The following GRIA3 variants were observed in gnomAD, a reference collection of about 807,000 sequenced individuals.
GRIA3 encodes the protein glutamate receptor 3.
A neutral mutation model predicts 63.0 loss-of-function variants in GRIA3; 3 were observed. The ratio of observed to expected loss-of-function variants is 0.05; its 90% confidence interval spans 0.02 to 0.12. The LOEUF is 0.12. GRIA3 is among the 10% of genes least tolerant of loss of function. GRIA3 has a pLI of 1.00. For missense variants in GRIA3, 347 were observed against 700.9 expected, an observed-to-expected ratio of 0.50 and a Z score of 5.70; for synonymous variants, 274 against 257.9, an observed-to-expected ratio of 1.06 and a Z score of -0.60.
At chrX:123,258,093 A>C (rs1224962239) in intron 3 of GRIA3, among the ~76,000 whole-genome samples, 1 of 112,193 alleles carries the variant, frequency 8.9e-6, no homozygotes, top group Admixed American at 9.4e-5. Flanking sequence ...TCTCCTATTA[A>C]CACCCTCTTT....
intron 2 of GRIA3, among the ~76,000 whole-genome samples, chrX:123,205,518 A>G (rs943613823): frequency 2.7e-5 from 3 of 111,997 alleles, no homozygotes; most frequent in African/African-American, 9.8e-5. Flanking sequence ...GCTACTGAAG[A>G]TAGACAGCAT....
intron 5 of GRIA3, among the ~76,000 whole-genome samples, chrX:123,366,735 T>C (rs1246778354): frequency 1.8e-5 from 2 of 111,873 alleles, no homozygotes; most frequent in Non-Finnish European, 3.8e-5. Flanking sequence ...GACTCCAGTA[T>C]GTAAGGCACA....
chrX:123,192,049 A>G (rs1324112772), intron 2 of GRIA3, among the ~76,000 whole-genome samples: 2 of 111,388 alleles, frequency 1.8e-5, no homozygotes, highest in Non-Finnish European at 3.8e-5. Flanking sequence ...GAAGACTTTT[A>G]CAGGCCAAAG....
chrX:123,244,156 A>G (rs1303708535), intron 2 of GRIA3, among the ~76,000 whole-genome samples: 1 of 112,598 alleles, frequency 8.9e-6, no homozygotes, highest in Non-Finnish European at 1.9e-5. Flanking sequence ...TGCTCTTGAG[A>G]GCTGAACAAA....
intron 3 of GRIA3, among the ~76,000 whole-genome samples, chrX:123,299,253 A>G (rs948895989): frequency 1.8e-5 from 2 of 111,212 alleles, no homozygotes; most frequent in Non-Finnish European, 3.8e-5. Flanking sequence ...ACTTTTTTAT[A>G]GTTTTGTGAA....
intron 2 of GRIA3, among the ~76,000 whole-genome samples, chrX:123,221,667 A>G (rs1928290253): frequency 1.8e-5 from 2 of 111,287 alleles, no homozygotes; most frequent in African/African-American, 6.5e-5. Context: ...GAGGGGATAG[A>G]GAGAGGGTGG....
Position 123,194,524 on chromosome X carries a change from A to G in GRIA3, c.268+8534A>G, listed in dbSNP as rs148809000. On this transcript the variant is annotated intron_variant, in intron 2 of 15. Coordinates refer to ENST00000620443, the MANE Select transcript of GRIA3 (RefSeq NM_007325.5). ...TCCAAAGTCAGTCAGAACCTGTTAA[A>G]CATTCTCAAATATCCTAGTACCTCA... Among the ~76,000 whole-genome samples the G allele has an allele frequency of 5.3e-3, 594 of 111,849 alleles. 4 individuals carry two copies. Among genetic ancestry groups the G allele is most frequent in the African/African-American group, 0.017 (520 of 30,743 alleles).
At chrX:123,345,553 G>C (rs1205485451) in intron 4 of GRIA3, among the ~76,000 whole-genome samples, 1 of 109,787 alleles carries the variant, frequency 9.1e-6, no homozygotes, top group African/African-American at 3.3e-5. Flanking sequence ...TCAATGCTAG[G>C]GGCGGGAGAG....
intron 10 of GRIA3, among the ~76,000 whole-genome samples, chrX:123,416,463 C>T (rs2045537034): frequency 8.9e-6 from 1 of 111,927 alleles, no homozygotes; most frequent in Non-Finnish European, 1.9e-5. Context: ...TGGCTTCAGA[C>T]TATGACTTAC....
At chrX:123,469,225 C>T (rs1007047656) in intron 13 of GRIA3, among the ~76,000 whole-genome samples, 1 of 111,416 alleles carries the variant, frequency 9.0e-6, no homozygotes, top group African/African-American at 3.3e-5. Context: ...TCTCTCCAAC[C>T]TTTAACTAAT....
Position 123,309,384 on chromosome X carries a change from A to T in GRIA3, c.509-16642A>T, listed in dbSNP as rs758580855. Among the ~76,000 whole-genome samples the T allele has an allele frequency of 3.6e-5, 4 of 110,667 alleles. No homozygotes were observed. In the South Asian group the frequency reaches 1.6e-3, roughly 43 times the overall value. On this transcript the variant is annotated intron_variant, in intron 3 of 15. Transcript: ENST00000620443. Reference sequence around the variant, plus strand: ...TCTGGAAAAAAAAAAAAAAGCCATAAGTTTTCCAGAGAAACTAACTGCCTT... The same window carrying T: ...TCTGGAAAAAAAAAAAAAAGCCATATGTTTTCCAGAGAAACTAACTGCCTT...
intron 4 of GRIA3, among the ~76,000 whole-genome samples, chrX:123,353,164 A>G (rs2045109487): frequency 9.0e-6 from 1 of 111,419 alleles, no homozygotes; most frequent in Non-Finnish European, 1.9e-5. Context: ...GTCAACTTAA[A>G]CATTGCCTCG....
chrX:123,276,131 A>G (rs2044553404), intron 3 of GRIA3, among the ~76,000 whole-genome samples: 1 of 111,943 alleles, frequency 8.9e-6, no homozygotes, highest in Non-Finnish European at 1.9e-5. Context: ...TCCATCCACT[A>G]TCCAAGGATG....
chrX:123,320,090 G>C (rs1488181520), intron 3 of GRIA3, among the ~76,000 whole-genome samples: 1 of 111,433 alleles, frequency 9.0e-6, no homozygotes, highest in Non-Finnish European at 1.9e-5. Context: ...GAAAAGGAAA[G>C]AAAGAAATGG....
rs750029167 is a variant in GRIA3 at position 123,482,571 on chromosome X, A to G, written c.2440-228A>G. Among the ~76,000 whole-genome samples the G allele has an allele frequency of 2.7e-5, 3 of 112,091 alleles. No homozygotes were observed. In the South Asian group the frequency reaches 1.1e-3, roughly 42 times the overall value. On this transcript the variant is annotated intron_variant, in intron 14 of 15. Transcript: ENST00000620443. ...GAGGCACTAAGGAACGTAAGGAGTC[A>G]AGATGAAAGGACATTTAGGTGAGGA...
chrX:123,416,818 C>T (rs747291768), intron 10 of GRIA3, among the ~76,000 whole-genome samples: 2 of 112,576 alleles, frequency 1.8e-5, no homozygotes, highest in East Asian at 5.6e-4. Flanking sequence ...TGCAGTGATA[C>T]ATACAAAAAT....
At chrX:123,338,537 C>G (rs2044988272) in intron 4 of GRIA3, among the ~76,000 whole-genome samples, 1 of 112,136 alleles carries the variant, frequency 8.9e-6, no homozygotes, top group Non-Finnish European at 1.9e-5. Context: ...TTCATGCCAT[C>G]AAACTATATT....
chrX:123,224,368 T>C (rs760326488), intron 2 of GRIA3, among the ~76,000 whole-genome samples: 21 of 111,731 alleles, frequency 1.9e-4, no homozygotes, highest in Non-Finnish European at 3.2e-4. Flanking sequence ...AACGCTCTTT[T>C]TGGACATCTT....
At chrX:123,211,992 T>C (rs962878195) in intron 2 of GRIA3, among the ~76,000 whole-genome samples, 2 of 111,897 alleles carry the variant, frequency 1.8e-5, no homozygotes, top group Non-Finnish European at 3.8e-5. Flanking sequence ...ATTCAAGTTA[T>C]TAGAAACCAC....
Sources: allele counts gnomAD v4.1 joint callset (sites outside exome capture counted in the v4.1 genomes callset), GRCh38; gene constraint gnomAD v4.1.1; transcripts MANE v1.5; gene names NCBI Gene and HGNC (gene_info 2026-07-23, HGNC 2026-07-21).